HIP1: variants seen among roughly 807,000 people sequenced by gnomAD.
The protein encoded by HIP1 is huntingtin interacting protein 1, also known as huntingtin-interacting protein 1.
Under a neutral mutation model 147.6 loss-of-function variants are expected in HIP1, and 65 were observed. The ratio of observed to expected loss-of-function variants is 0.44; its 90% CI spans 0.36 to 0.54. The LOEUF is 0.54. Among genes scored for constraint, HIP1 ranks in the 20% least tolerant of loss-of-function variants. HIP1 has a pLI of 0.00. For missense variants in HIP1, 1,061 were observed against 1,299.6 expected, an observed-to-expected ratio of 0.82 and a Z score of 2.82; for synonymous variants, 479 against 504.0, an observed-to-expected ratio of 0.95 and a Z score of 0.67.
chr7:75,721,613 C>T (rs1554521425), intron 1 of HIP1, among the ~76,000 whole-genome samples: 3 of 152,026 alleles, frequency 2.0e-5, no homozygotes, highest in Admixed American at 2.0e-4. Context: ...GATCCAAAGA[C>T]ACTCCCAAAG....
intron 1 of HIP1, among the ~76,000 whole-genome samples, chr7:75,614,813 A>G (rs587713378): frequency 6.6e-5 from 10 of 151,986 alleles, no homozygotes; most frequent in Admixed American, 4.6e-4. Context: ...TCACTCTGTC[A>G]CCCAGGCTGG....
chr7:75,665,470 T>A (rs919832000), intron 1 of HIP1, among the ~76,000 whole-genome samples: 2 of 151,932 alleles, frequency 1.3e-5, no homozygotes, highest in Admixed American at 6.6e-5. Flanking sequence ...TCCAGTGGGA[T>A]GTGGAGGCCA....
intron 12 of HIP1, 127 bp downstream of exon 12, chr7:75,561,946 C>T: frequency 1.5e-6 from 1 of 653,748 alleles, no homozygotes; most frequent in Non-Finnish European, 2.7e-6. Flanking sequence ...TGCCCCCAAC[C>T]CTTCAAGATG....
rs587639447 is a variant in HIP1, at chr7:75,537,578, G to C, written c.*594C>G. On this transcript the variant is annotated 3_prime_UTR_variant, in exon 31 of 31. Coordinates refer to ENST00000336926, the MANE Select transcript of HIP1 (RefSeq NM_005338.7). ...ACCATAAGAAGCAGTGGAAATCCAT[G>C]GCACTGCCCAAAGAGGGGGAGAATG... 213 of 232,862 alleles carry C rather than the reference G, an allele frequency of 9.1e-4. No homozygotes were observed. The highest frequency in any genetic ancestry group is 3.3e-3 in the African/African-American group (148 of 45,410). The allele number at this position is 232,862 out of a possible 1,614,324, so 14.4% of individuals were successfully genotyped here.
chr7:75,562,256 C>T, intron 11 of HIP1, 86 bp from the exon 12 acceptor site: 3 of 876,210 alleles, frequency 3.4e-6, no homozygotes, highest in East Asian at 2.4e-5. Flanking sequence ...GGGAGAATGC[C>T]CCCTTTCTCG....
chr7:75,660,197 T>C (rs1487591675), intron 1 of HIP1, among the ~76,000 whole-genome samples: 2 of 145,164 alleles, frequency 1.4e-5, no homozygotes, highest in African/African-American at 2.6e-5. Context: ...TGCCGAAGTA[T>C]TTAAGATACG....
intron 1 of HIP1, among the ~76,000 whole-genome samples, chr7:75,709,109 C>CTTTT (rs55720152): frequency 2.1e-4 from 28 of 131,440 alleles, no homozygotes; most frequent in African/African-American, 7.7e-4. Context: ...TTTTTCTTTT[C>CTTTT]TTTTTTTTTT....
chr7:75,675,942 G>T (rs1339658668), intron 1 of HIP1, among the ~76,000 whole-genome samples: 1 of 152,106 alleles, frequency 6.6e-6, no homozygotes, highest in Non-Finnish European at 1.5e-5. Context: ...CAACTTCTGG[G>T]TTTCCTCAGG....
chr7:75,693,347 A>C (rs1229643340), intron 1 of HIP1, among the ~76,000 whole-genome samples: 1 of 152,068 alleles, frequency 6.6e-6, no homozygotes, highest in East Asian at 1.9e-4. Flanking sequence ...CCCATTGTTT[A>C]AGGCATTCTG....
Position 75,691,527 on chromosome 7 carries a change from G to T in HIP1, c.120+47274C>A, listed in dbSNP as rs547645731. On this transcript the variant is annotated intron_variant, in intron 1 of 30. Coordinates refer to ENST00000336926, the MANE Select transcript of HIP1 (RefSeq NM_005338.7). ...AAACTTCCAGAATAGGGCCGGGCGC[G>T]GTGGCTCATGCCTGTAATCCCAGCA... Among the ~76,000 whole-genome samples the T allele has an allele frequency of 3.9e-5, 6 of 151,908 alleles. No homozygotes were observed. The East Asian group carries it at 1.2e-3, about 29-fold the overall frequency.
chr7:75,556,122 C>T lies in HIP1; in HGVS notation c.1731G>A (p.Arg577=). ...GAGCTGCGCCACTCACCAGGCTGTC[C>T]CGCTCCTTCTCTAGCTCGGCGAACT... is the stretch of plus-strand genomic sequence containing the variant. ...AAEFAELEKE[R]DSLVSGAAHR... The change falls in exon 18 of 31, where the codon CGG becomes CGA. Residue 577 remains arginine (R), a synonymous_variant. Coordinates refer to ENST00000336926, the MANE Select transcript of HIP1 (RefSeq NM_005338.7). 3 of 1,614,160 alleles carry T rather than the reference C, an allele frequency of 1.9e-6. No homozygotes were observed. Among genetic ancestry groups the T allele is most frequent in the Non-Finnish European group, 2.5e-6 (3 of 1,180,026 alleles).
At chr7:75,671,982 G>A (rs532137624) in intron 1 of HIP1, among the ~76,000 whole-genome samples, 5 of 152,174 alleles carry the variant, frequency 3.3e-5, no homozygotes, top group South Asian at 2.1e-4. Flanking sequence ...TGATCCACCC[G>A]CCTCAGCCTC....
chr7:75,596,023 G>T (rs1796728991), intron 2 of HIP1, among the ~76,000 whole-genome samples: 1 of 152,090 alleles, frequency 6.6e-6, no homozygotes, highest in Non-Finnish European at 1.5e-5. Flanking sequence ...GACTGCTTGA[G>T]CCTAGCTAGG....
At chr7:75,693,691 G>A (rs868981622) in intron 1 of HIP1, among the ~76,000 whole-genome samples, 2 of 149,784 alleles carry the variant, frequency 1.3e-5, no homozygotes, top group Non-Finnish European at 1.5e-5. Context: ...CCTGGGCAAC[G>A]TGGCAAAACC....
chr7:75,590,211 A>G (rs1316795310), intron 4 of HIP1, among the ~76,000 whole-genome samples: 1 of 152,212 alleles, frequency 6.6e-6, no homozygotes, highest in Non-Finnish European at 1.5e-5. Context: ...AAAGATAAAC[A>G]TAACCAAAAC....
chr7:75,585,662 A>G (rs1167370069), intron 5 of HIP1, among the ~76,000 whole-genome samples: 1 of 151,366 alleles, frequency 6.6e-6, no homozygotes, highest in Non-Finnish European at 1.5e-5. Flanking sequence ...AGCCTCTGAC[A>G]CCCTGGCCTG....
intron 1 of HIP1, among the ~76,000 whole-genome samples, chr7:75,607,103 G>A (rs1412935409): frequency 1.3e-5 from 2 of 151,368 alleles, no homozygotes; most frequent in African/African-American, 4.9e-5. Flanking sequence ...GTGTGGTGGT[G>A]CACACCTGTA....
intron 1 of HIP1, among the ~76,000 whole-genome samples, chr7:75,735,887 T>C (rs1202169271): frequency 6.6e-6 from 1 of 151,894 alleles, no homozygotes; most frequent in Non-Finnish European, 1.5e-5. Flanking sequence ...GGGGTCTTAC[T>C]ATGTTGTCCA....
intron 1 of HIP1, among the ~76,000 whole-genome samples, chr7:75,617,379 A>G (rs1185883): frequency 0.47 from 71,214 of 150,972 alleles, 17,283 homozygotes; most frequent in African/African-American, 0.59. Context: ...GCACCCAGCC[A>G]CTAATTTTTT....
Sources: gnomAD v4.1 joint callset for allele counts (sites outside exome capture counted in the v4.1 genomes callset) on GRCh38, gnomAD v4.1.1 for gene constraint, MANE v1.5 for transcripts, NCBI Gene and HGNC (gene_info 2026-07-23, HGNC 2026-07-21) for gene names.